ANK2: variants seen among roughly 807,000 people sequenced by gnomAD.
ANK2 encodes the protein ankyrin 2.
A neutral mutation model predicts 360.5 loss-of-function variants in ANK2; 83 were observed. The ratio of observed to expected loss-of-function variants is 0.23; its 90% CI spans 0.19 to 0.28. The LOEUF is 0.28. Ranked by LOEUF, ANK2 falls within the 10% of genes least tolerant of loss-of-function variation. The probability of loss-of-function intolerance (pLI) is 1.00; values close to 1 mark genes in which losing one functional copy is unlikely to be tolerated. For synonymous variants in ANK2, 1,740 were observed against 1,759.5 expected, an observed-to-expected ratio of 0.99 and a Z score of 0.28; for missense variants, 4,201 against 4,795.7, an observed-to-expected ratio of 0.88 and a Z score of 3.66.
chr4:112,953,500 G>T (rs2095158823), intron 2 of ANK2, among the ~76,000 whole-genome samples: 1 of 152,214 alleles, frequency 6.6e-6, no homozygotes, highest in Non-Finnish European at 1.5e-5. Flanking sequence ...GACTTCCAAG[G>T]CTTCCAGTCC....
chr4:112,829,966 TAAAAATAA>T (rs2059355748), intron 1 of ANK2, among the ~76,000 whole-genome samples: 1 of 142,176 alleles, frequency 7.0e-6, no homozygotes, highest in South Asian at 2.2e-4. Flanking sequence ...CTCAAAAAAA[TAAAAATAA>T]AAAATAAAAA....
the ANK2 span, among the ~76,000 whole-genome samples, chr4:112,753,449 C>A: frequency 6.6e-6 from 1 of 152,314 alleles, no homozygotes; most frequent in African/African-American, 2.4e-5. Context: ...ATGGTATTGT[C>A]AGAGGCATTT....
At position 113,274,663 on chromosome 4, in the gene ANK2, C is replaced by T; in HGVS notation, c.1683+14C>T. ...TTAGCTACCAAGGTAAGGAGAATGA[C>T]ATCATGAGAACATGGACCAAGAGGA... On this transcript the variant is annotated intron_variant, in intron 15 of 45. Coordinates refer to ENST00000357077, the MANE Select transcript of ANK2 (RefSeq NM_001148.6). The T allele has an allele frequency of 6.2e-7, 1 of 1,613,346 alleles. No individual in the cohort carries two copies. The highest frequency in any genetic ancestry group is 1.3e-5 in the African/African-American group (1 of 75,050).
chr4:113,152,323 T>A (rs2154396695), intron 1 of ANK2: 1 of 151,818 alleles, frequency 6.6e-6, no homozygotes, highest in African/African-American at 2.4e-5. Context: ...GGGGAGAGAG[T>A]CCTCTTTTCA....
chr4:112,908,992 T>C (rs1028244167), intron 2 of ANK2, among the ~76,000 whole-genome samples: 1 of 152,206 alleles, frequency 6.6e-6, no homozygotes, highest in African/African-American at 2.4e-5. Flanking sequence ...GGACCAGATA[T>C]AAAATTTTGT....
intron 1 of ANK2, among the ~76,000 whole-genome samples, chr4:113,097,911 T>TAG (rs2091914032): frequency 1.3e-5 from 1 of 76,004 alleles, no homozygotes; most frequent in African/African-American, 7.8e-5. Context: ...CATATATATG[T>TAG]ATATATACAC....
At chr4:112,941,674 A>G (rs2094226731) in intron 2 of ANK2, among the ~76,000 whole-genome samples, 1 of 146,340 alleles carries the variant, frequency 6.8e-6, no homozygotes, top group African/African-American at 2.5e-5. Flanking sequence ...AATATATATA[A>G]AAGGATATAT....
chr4:112,757,418 G>A, the ANK2 span, among the ~76,000 whole-genome samples: 54 of 152,264 alleles, frequency 3.5e-4, no homozygotes, highest in Non-Finnish European at 6.2e-4. Flanking sequence ...CCGGCTGACA[G>A]CAGTGACTTT....
At chr4:113,333,594 A>G (rs960326321) in intron 29 of ANK2, among the ~76,000 whole-genome samples, 4 of 152,226 alleles carry the variant, frequency 2.6e-5, no homozygotes, top group African/African-American at 9.6e-5. Flanking sequence ...ATTTAAAACA[A>G]TGCCTAACTT....
intron 2 of ANK2, among the ~76,000 whole-genome samples, chr4:113,021,687 TA>T (rs2058234305): frequency 1.3e-5 from 2 of 151,290 alleles, no homozygotes. Flanking sequence ...TTGAATGAGA[TA>T]TTTATTACGC....
At chr4:113,159,645 G>A (rs970740429) in intron 1 of ANK2, among the ~76,000 whole-genome samples, 3 of 151,274 alleles carry the variant, frequency 2.0e-5, no homozygotes, top group African/African-American at 7.3e-5. Flanking sequence ...GTCTCGCTCT[G>A]TCACCCAGGC....
chr4:112,796,920 C>G, the ANK2 span: 1 of 152,204 alleles, frequency 6.6e-6, no homozygotes, highest in East Asian at 1.9e-4. Flanking sequence ...TGAGGATCAC[C>G]TGACAGTTTC....
chr4:113,292,266 C>T (rs2068085980), intron 20 of ANK2, 150 bp from the exon 21 acceptor site: 2 of 752,048 alleles, frequency 2.7e-6, no homozygotes, highest in African/African-American at 1.7e-5. Flanking sequence ...GTGTTTGCTG[C>T]TGAGAAATGG....
At chr4:112,878,763 T>C (rs1049556842) in intron 1 of ANK2, among the ~76,000 whole-genome samples, 2 of 152,116 alleles carry the variant, frequency 1.3e-5, no homozygotes, top group Non-Finnish European at 2.9e-5. Context: ...CCTGTCCGAG[T>C]AGCTGGGACT....
rs2064415809 is a variant in ANK2 at position 112,850,292 on chromosome 4, C to CTATA, written c.-40+32031_-40+32032insATAT. Among the ~76,000 whole-genome samples, 4 of 136,920 alleles carry CTATA rather than the reference C, an allele frequency of 2.9e-5. No individual in the cohort carries two copies. In the South Asian group the frequency reaches 9.3e-4, roughly 32 times the overall value. The allele number at this position is 136,920 out of a possible 152,430, so 89.8% of individuals were successfully genotyped here. A position where few individuals can be genotyped will look rare whatever the true frequency, so the allele number is the denominator to read the frequency against. ...TCTATCTATCTATCTATCTATCTATCTATCTATCTAATTTGTTCATCCATC... is the reference window on the plus strand; with the variant it reads ...TCTATCTATCTATCTATCTATCTATCTATATATCTATCTAATTTGTTCATCCATC... On this transcript the variant is annotated intron_variant, in intron 1 of 30. Transcript: ENST00000503271.
intron 42 of ANK2, among the ~76,000 whole-genome samples, chr4:113,368,733 T>A (rs1359894431): frequency 6.6e-6 from 1 of 152,132 alleles, no homozygotes; most frequent in Non-Finnish European, 1.5e-5. Flanking sequence ...AAATGAGTAA[T>A]GAAATTATCT....
chr4:113,361,101 A>G (rs1418475730), intron 39 of ANK2, among the ~76,000 whole-genome samples: 1 of 152,204 alleles, frequency 6.6e-6, no homozygotes, highest in Non-Finnish European at 1.5e-5. Context: ...GAAATTTAGA[A>G]TAATAGAACT....
At chr4:113,217,337 G>C (rs1020759763) in intron 4 of ANK2, among the ~76,000 whole-genome samples, 14 of 152,122 alleles carry the variant, frequency 9.2e-5, no homozygotes, top group African/African-American at 3.4e-4. Context: ...TACAACTAAA[G>C]TTTGTTCGGG....
the ANK2 span, among the ~76,000 whole-genome samples, chr4:112,804,625 A>C: frequency 6.6e-6 from 1 of 152,206 alleles, no homozygotes. Context: ...GTAACATGTG[A>C]GGTGGGAGGA....
Sources: gnomAD v4.1 joint callset for allele counts (sites outside exome capture counted in the v4.1 genomes callset) on GRCh38, gnomAD v4.1.1 for gene constraint, MANE v1.5 for transcripts, NCBI Gene and HGNC (gene_info 2026-07-23, HGNC 2026-07-21) for gene names.